SGCZ: variants seen among roughly 807,000 people sequenced by gnomAD.
The protein encoded by SGCZ is zeta-sarcoglycan.
Under a neutral mutation model 41.3 loss-of-function variants are expected in SGCZ, and 40 were observed. The ratio of observed to expected loss-of-function variants is 0.97; its 90% confidence interval spans 0.75 to 1.26. The LOEUF (loss-of-function observed/expected upper bound fraction) is 1.26. SGCZ is among the 50% of genes most tolerant of loss of function. The probability of loss-of-function intolerance (pLI) is 0.00; values close to 1 mark genes in which losing one functional copy is unlikely to be tolerated. For missense variants in SGCZ, 552 were observed against 369.8 expected, an observed-to-expected ratio of 1.49 and a Z score of -4.04; for synonymous variants, 206 against 137.5, an observed-to-expected ratio of 1.50 and a Z score of -3.49.
chr8:14,871,356 A>G (rs1026630516), intron 1 of SGCZ, among the ~76,000 whole-genome samples: 1 of 152,310 alleles, frequency 6.6e-6, no homozygotes, highest in South Asian at 2.1e-4. Flanking sequence ...AACAAGAAAT[A>G]CCATTTGACC....
chr8:14,584,329 TG>T (rs1365118459), intron 1 of SGCZ, among the ~76,000 whole-genome samples: 1 of 152,134 alleles, frequency 6.6e-6, no homozygotes, highest in Admixed American at 6.6e-5. Flanking sequence ...TATGGTTGTG[TG>T]GTAAGTAGGT....
rs118166348 is a variant in SGCZ, at chr8:15,146,568, T to G, written c.39+91017A>C. 4.4e-3 allele frequency among the ~76,000 whole-genome samples: 676 copies of G among 152,294 alleles called. 4 individuals carry two copies. The highest frequency in any genetic ancestry group is 7.8e-3 in the Non-Finnish European group (528 of 68,012). On this transcript the variant is annotated intron_variant, in intron 1 of 7. Transcript: ENST00000382080. Reference sequence around the variant, plus strand: ...GGCCAATTTTTAAAAATCAAAAGAATAGTTTCAGTAGTGTATTCTGTTTGT... The same window carrying G: ...GGCCAATTTTTAAAAATCAAAAGAAGAGTTTCAGTAGTGTATTCTGTTTGT...
At chr8:15,188,433 A>G (rs970784901) in intron 1 of SGCZ, among the ~76,000 whole-genome samples, 3 of 152,168 alleles carry the variant, frequency 2.0e-5, no homozygotes, top group Admixed American at 1.3e-4. Flanking sequence ...GAATAAGCAG[A>G]TGCTAGTGTA....
At chr8:14,184,178 T>C (rs1804826944) in intron 4 of SGCZ, among the ~76,000 whole-genome samples, 1 of 151,416 alleles carries the variant, frequency 6.6e-6, no homozygotes, top group South Asian at 2.1e-4. Flanking sequence ...TTCCAGTATA[T>C]TTAAGAATAA....
intron 1 of SGCZ, among the ~76,000 whole-genome samples, chr8:15,121,688 C>T (rs575506115): frequency 2.6e-5 from 4 of 152,240 alleles, no homozygotes; most frequent in South Asian, 2.1e-4. Context: ...TCACTACAGA[C>T]ACTCTCAAGT....
intron 1 of SGCZ, among the ~76,000 whole-genome samples, chr8:15,206,664 G>T (rs1165091636): frequency 2.6e-5 from 4 of 152,110 alleles, no homozygotes; most frequent in Middle Eastern, 3.4e-3. Flanking sequence ...TGCCAGGCTG[G>T]TCTCGAACTC....
chr8:14,151,565 A>G (rs928639433), intron 5 of SGCZ, among the ~76,000 whole-genome samples: 13 of 152,138 alleles, frequency 8.5e-5, no homozygotes, highest in African/African-American at 3.1e-4. Flanking sequence ...ATTATGAAGA[A>G]TATAAATACA....
At chr8:14,933,429 T>A (rs1375355850) in intron 1 of SGCZ, among the ~76,000 whole-genome samples, 1 of 101,532 alleles carries the variant, frequency 9.8e-6, no homozygotes, top group African/African-American at 3.4e-5. Context: ...TACTTTTTTT[T>A]TCTTTTTTTT....
intron 1 of SGCZ, among the ~76,000 whole-genome samples, chr8:14,933,982 A>G (rs11203669): frequency 0.55 from 83,275 of 151,660 alleles, 23,589 homozygotes; most frequent in African/African-American, 0.67. Context: ...CCAAAAATTC[A>G]TAATTACCAA....
chr8:15,013,826 AG>A (rs1802922347), intron 1 of SGCZ, among the ~76,000 whole-genome samples: 1 of 152,244 alleles, frequency 6.6e-6, no homozygotes. Flanking sequence ...TATACTGACA[AG>A]AAAACAGCAA....
chr8:14,257,893 T>G (rs1799519733), intron 3 of SGCZ, among the ~76,000 whole-genome samples: 1 of 152,186 alleles, frequency 6.6e-6, no homozygotes, highest in Non-Finnish European at 1.5e-5. Flanking sequence ...TTCTTATATT[T>G]GAAACTGGAA....
intron 1 of SGCZ, among the ~76,000 whole-genome samples, chr8:14,942,921 C>G (rs1411099925): frequency 9.2e-5 from 14 of 152,134 alleles, no homozygotes; most frequent in Non-Finnish European, 1.9e-4. Context: ...GGCTATATTG[C>G]TACTCTTCAG....
chr8:14,878,141 A>C (rs1804436103), intron 1 of SGCZ, among the ~76,000 whole-genome samples: 1 of 151,858 alleles, frequency 6.6e-6, no homozygotes. Flanking sequence ...CTTAAGAAGT[A>C]GACATGGGTT....
intron 1 of SGCZ, among the ~76,000 whole-genome samples, chr8:14,633,779 T>A (rs1384925511): frequency 6.6e-6 from 1 of 151,956 alleles, no homozygotes; most frequent in African/African-American, 2.4e-5. Flanking sequence ...CCATTAATAA[T>A]AAAAGACCTG....
intron 1 of SGCZ, among the ~76,000 whole-genome samples, chr8:14,924,867 T>C (rs1466582986): frequency 6.7e-6 from 1 of 150,232 alleles, no homozygotes; most frequent in Non-Finnish European, 1.5e-5. Flanking sequence ...TTTTTTTTTT[T>C]TTTTTTTTGA....
intron 5 of SGCZ, among the ~76,000 whole-genome samples, chr8:14,139,472 A>C (rs1440554687): frequency 6.6e-6 from 1 of 152,190 alleles, no homozygotes; most frequent in African/African-American, 2.4e-5. Context: ...GAAAAGAAGA[A>C]TCACATAGAT....
At chr8:15,106,553 C>T (rs76324354) in intron 1 of SGCZ, among the ~76,000 whole-genome samples, 10,865 of 151,292 alleles carry the variant, frequency 0.072, 548 homozygotes, top group Non-Finnish European at 0.098. Context: ...TACTTTACAT[C>T]CTTTTATTAC....
At chr8:14,099,760 T>C (rs757654801) in intron 7 of SGCZ, among the ~76,000 whole-genome samples, 4 of 152,176 alleles carry the variant, frequency 2.6e-5, no homozygotes, top group African/African-American at 7.2e-5. Flanking sequence ...TTTTCTTTGA[T>C]CTTGTGGTAT....
intron 3 of SGCZ, among the ~76,000 whole-genome samples, chr8:14,244,929 T>C (rs9325697): frequency 0.66 from 100,391 of 150,968 alleles, 33,713 homozygotes; most frequent in South Asian, 0.79. Context: ...CTTGTGATTT[T>C]TGTACATTGA....
Sources: gnomAD v4.1 joint callset for allele counts (sites outside exome capture counted in the v4.1 genomes callset) on GRCh38, gnomAD v4.1.1 for gene constraint, MANE v1.5 for transcripts, NCBI Gene and HGNC (gene_info 2026-07-23, HGNC 2026-07-21) for gene names.